ZNF394: variants seen among roughly 807,000 people sequenced by gnomAD.
ZNF394 encodes the protein zinc finger protein 99.
Under a neutral mutation model 21.8 loss-of-function variants are expected in ZNF394, and 19 were observed. That is an observed-to-expected ratio of 0.87 (90% CI 0.61 to 1.28). The LOEUF (loss-of-function observed/expected upper bound fraction) is 1.28, where lower values mean the gene tolerates loss of function less well. ZNF394 is among the 50% of genes most tolerant of loss of function. ZNF394 has a pLI of 0.00. For missense variants in ZNF394, 683 were observed against 708.6 expected (o/e 0.96, Z 0.41); for synonymous variants, 294 against 273.3 (o/e 1.08, Z -0.75).
At chr7:99,497,108 GTGT>G (rs1277136689) in intron 2 of ZNF394, among the ~76,000 whole-genome samples, 2 of 119,260 alleles carry the variant, frequency 1.7e-5, no homozygotes, top group African/African-American at 8.8e-5. Flanking sequence ...GTGTGTGTGT[GTGT>G]GTGTGTGTGT....
intron 1 of ZNF394, chr7:99,487,253 A>G: frequency 6.2e-7 from 1 of 1,614,234 alleles, no homozygotes; most frequent in Non-Finnish European, 8.5e-7. Flanking sequence ...GAATGTGGAC[A>G]GTCCTTTGGT....
chr7:99,491,306 A>G (rs1445197777), downstream of ZNF394, among the ~76,000 whole-genome samples: 1 of 152,180 alleles, frequency 6.6e-6, no homozygotes, highest in East Asian at 1.9e-4. Context: ...TTCATCCTCA[A>G]TGACTAGCAG....
Position 99,494,477 on chromosome 7 carries a change from C to T in ZNF394, c.738G>A (p.Gln246=), listed in dbSNP as rs755108597. 1.9e-6 allele frequency: 3 copies of T among 1,613,918 alleles called. No homozygotes were observed. Among genetic ancestry groups the T allele is most frequent in the Middle Eastern group, 3.3e-4 (2 of 6,084 alleles). ...GSTHEDRVEK[Q]SGDPLPLKLE... ...GTTTCAGGGGCAAGGGGTCTCCGGA[C>T]TGCTTTTCCACCCTGTCCTCATGGG... The change falls in exon 3 of 3, where the codon CAG becomes CAA. Residue 246 remains glutamine, a synonymous_variant. Transcript: ENST00000337673.
In ZNF394 at chr7:99,493,819, C is replaced by T. The variant is rs1800219796; in HGVS notation, c.1396G>A (p.Glu466Lys). ...LFRHQRLHKG[E>K]RPYKCEECEK... ...CATTCTTCACACTTATAGGGTCTTT[C>T]CCCTTTATGTAGTCTCTGATGTCTA... Residue 466 changes from glutamate to lysine, a missense_variant, in exon 3 of 3, where the codon GAA becomes AAA. Glu to Lys is a moderately conservative substitution (Grantham distance 56). This residue lies in a region of ZNF394 where 274 missense variants were observed against 314.1 expected (regional missense o/e 0.87). Coordinates refer to ENST00000337673, the MANE Select transcript of ZNF394 (RefSeq NM_032164.4). The T allele has an allele frequency of 6.2e-7, 1 of 1,613,942 alleles. No homozygotes were observed. The highest frequency in any genetic ancestry group is 8.5e-7 in the Non-Finnish European group (1 of 1,180,006).
At chr7:99,491,142 ACT>A (rs1800153789), downstream of ZNF394, among the ~76,000 whole-genome samples, 1 of 151,792 alleles carries the variant, frequency 6.6e-6, no homozygotes, top group Non-Finnish European at 1.5e-5. Flanking sequence ...CTGAGCAGAC[ACT>A]CTCTTCCCTT....
intron 2 of ZNF394, among the ~76,000 whole-genome samples, chr7:99,497,122 G>GTATATATATATATA (rs1206330509): frequency 2.6e-4 from 21 of 79,418 alleles, no homozygotes; most frequent in African/African-American, 7.4e-4. Context: ...GTGTGTGTGT[G>GTATATATATATATA]TATATATATA....
chr7:99,493,149 T>C, downstream of ZNF394: 1 of 963,302 alleles, frequency 1.0e-6, no homozygotes, highest in Middle Eastern at 5.3e-4. Flanking sequence ...TTGTAGGAGA[T>C]ACTCAAGGAA....
At position 99,500,020 on chromosome 7, in the gene ZNF394, G is replaced by A. The variant is rs1313781971; in HGVS notation, c.74C>T (p.Ser25Phe). ...GCGTTGGGACGGCGCCGCGTCCTTG[G>A]ACCTCGCAGCCATCACCCAGGGTCC... ...ELGPWVMAARSKDAAPSQRDG... is the reference protein window; with the variant it reads ...ELGPWVMAARFKDAAPSQRDG... Residue 25 changes from serine to phenylalanine, a missense_variant, in exon 1 of 3, where the codon TCC becomes TTC. By Grantham distance (155) the Ser-to-Phe change is radical. This residue lies in a region of ZNF394 where 402 missense variants were observed against 373.8 expected (regional missense o/e 1.08). Coordinates refer to ENST00000337673, the MANE Select transcript of ZNF394 (RefSeq NM_032164.4). 3.7e-6 allele frequency: 6 copies of A among 1,606,296 alleles called. No individual in the cohort carries two copies. Among genetic ancestry groups the A allele is most frequent in the Non-Finnish European group, 5.1e-6 (6 of 1,178,674 alleles).
Position 99,500,189 on chromosome 7 carries a change from C to T in ZNF394, c.-96G>A, listed in dbSNP as rs1800479711. 1 of 1,288,276 alleles carries T rather than the reference C, an allele frequency of 7.8e-7. No homozygotes were observed. Among genetic ancestry groups the T allele is most frequent in the Admixed American group, 2.7e-5 (1 of 36,486 alleles). The allele number at this position is 1,288,276 out of a possible 1,614,324, so 79.8% of individuals were successfully genotyped here. A position where few individuals can be genotyped will look rare whatever the true frequency, so the allele number is the denominator to read the frequency against. ...CATCAGCCGTCAACACCCTCCGGTC[C>T]CAAACACCGGGCCCCACCACACCAG... On this transcript the variant is annotated 5_prime_UTR_variant, in exon 1 of 3. Transcript: ENST00000337673.
exon 2 of ZNF394, chr7:99,486,807 GTC>G (rs757804978): frequency 6.2e-7 from 1 of 1,614,224 alleles, no homozygotes; most frequent in East Asian, 2.2e-5. Context: ...CAAGAGCAAA[GTC>G]TTATGAATGC....
chr7:99,488,996 G>GT (rs953310499), downstream of ZNF394, among the ~76,000 whole-genome samples: 4 of 145,692 alleles, frequency 2.7e-5, no homozygotes, highest in Non-Finnish European at 4.5e-5. Flanking sequence ...GATAAGAGTT[G>GT]TAAGTCAGCC....
rs1295179364 is a variant in ZNF394 at position 99,493,429 on chromosome 7, G to GT, written c.*99dup. On this transcript the variant is annotated 3_prime_UTR_variant, in exon 3 of 3. Coordinates refer to ENST00000337673, the MANE Select transcript of ZNF394 (RefSeq NM_032164.4). The stretch of plus-strand genomic sequence containing the variant: ...GCACCACCATGCCCGGCTCATTTTT[G>GT]TATTTTTAGTAGAGACAGGATTTTA... The GT allele has an allele frequency of 1.7e-6, 2 of 1,173,558 alleles. No individual in the cohort carries two copies. Among genetic ancestry groups the GT allele is most frequent in the Non-Finnish European group, 2.4e-6 (2 of 844,364 alleles). 72.7% of individuals were successfully genotyped at this position (1,173,558 alleles called of 1,614,324 possible). A position where few individuals can be genotyped will look rare whatever the true frequency, so the allele number is the denominator to read the frequency against.
chr7:99,497,618 CT>C (rs1335132212), intron 2 of ZNF394, among the ~76,000 whole-genome samples: 1 of 152,006 alleles, frequency 6.6e-6, no homozygotes, highest in African/African-American at 2.4e-5. Context: ...AATCCCAGCA[CT>C]TTGGGAGGCT....
In ZNF394 at chr7:99,498,735, G is replaced by A. The variant is rs59862368; in HGVS notation, c.564C>T (p.Ser188=). ...DFCRESAQKD[S]GSTVPPSLES... ...ACTCACTCGGCGGAACTGTGCTCCC[G>A]GAATCCTTCTGCGCACTCTCTCTGC... The change falls in exon 2 of 3, where the codon TCC becomes TCT. Residue 188 remains serine (S), a synonymous_variant. Transcript: ENST00000337673. 3 of 1,613,980 alleles carry A rather than the reference G, an allele frequency of 1.9e-6. No homozygotes were observed. Among genetic ancestry groups the A allele is most frequent in the East Asian group, 2.2e-5 (1 of 44,864 alleles).
At position 99,500,214 on chromosome 7, in the gene ZNF394, G is replaced by C; in HGVS notation, c.-121C>G. 4 of 928,660 alleles carry C rather than the reference G, an allele frequency of 4.3e-6. No individual in the cohort carries two copies. The South Asian group carries it at 7.1e-5, about 17-fold the overall frequency. The allele number at this position is 928,660 out of a possible 1,614,324, so 57.5% of individuals were successfully genotyped here. ...CCAAACACCGGGCCCCACCACACCA[G>C]GCCCCTCTCCACACTCTCCTTTCCT... On this transcript the variant is annotated 5_prime_UTR_variant, in exon 1 of 3. Coordinates refer to ENST00000337673, the MANE Select transcript of ZNF394 (RefSeq NM_032164.4).
chr7:99,492,639 CAAAAAAAAA>C (rs757663157), downstream of ZNF394, among the ~76,000 whole-genome samples: 1 of 50,488 alleles, frequency 2.0e-5, no homozygotes, highest in Non-Finnish European at 4.1e-5. Flanking sequence ...GACTCCATCT[CAAAAAAAAA>C]AAAAAAAAAA....
rs370825083 is a variant in ZNF394 at position 99,499,151 on chromosome 7, G to A, written c.457-309C>T. On this transcript the variant is annotated intron_variant, in intron 1 of 2. Coordinates refer to ENST00000337673, the MANE Select transcript of ZNF394 (RefSeq NM_032164.4). Reference sequence around the variant, plus strand: ...AGCATTTTGGGAGGCCGAGGCGGGCGGATCACCTGAGGTCAGGAGTTCGAG... The same window carrying A: ...AGCATTTTGGGAGGCCGAGGCGGGCAGATCACCTGAGGTCAGGAGTTCGAG... 4.9e-3 allele frequency among the ~76,000 whole-genome samples: 739 copies of A among 152,160 alleles called. 2 individuals carry two copies. The highest frequency in any genetic ancestry group is 0.017 in the African/African-American group (704 of 41,526).
chr7:99,490,383 G>T (rs1400664156), downstream of ZNF394, among the ~76,000 whole-genome samples: 1 of 152,046 alleles, frequency 6.6e-6, no homozygotes, highest in Non-Finnish European at 1.5e-5. Context: ...GGTCTTGAAT[G>T]CCTGACCTCG....
Position 99,499,701 on chromosome 7 carries a change from G to A in ZNF394, c.393C>T (p.Ser131=), listed in dbSNP as rs1562895924. 1.2e-6 allele frequency: 2 copies of A among 1,612,884 alleles called. No homozygotes were observed. Among genetic ancestry groups the A allele is most frequent in the East Asian group, 4.5e-5 (2 of 44,862 alleles). Residue 131 remains serine, a synonymous_variant, in exon 1 of 3, where the codon AGC becomes AGT. Transcript: ENST00000337673. The part of the protein sequence containing the change: ...QAWVREHCPE[S]GEEAVAVVRA... ...GCACCACGGCCACCGCCTCCTCCCCGCTCTCTGGGCAGTGCTCTCGCACCC... is the reference window on the plus strand; with the variant it reads ...GCACCACGGCCACCGCCTCCTCCCCACTCTCTGGGCAGTGCTCTCGCACCC...
Sources: allele counts gnomAD v4.1 joint callset (sites outside exome capture counted in the v4.1 genomes callset), GRCh38; gene constraint gnomAD v4.1.1; regional missense constraint gnomAD v4.1.1; transcripts MANE v1.5; gene names NCBI Gene and HGNC (gene_info 2026-07-23, HGNC 2026-07-21).